Variants in PCDHGA2 observed in about 807,000 individuals in gnomAD.
PCDHGA2 encodes protocadherin gamma subfamily A, 2.
Under a neutral mutation model 59.2 loss-of-function variants are expected in PCDHGA2, and 40 were observed. The observed-to-expected ratio is 0.68, with a 90% CI of 0.52 to 0.88. The LOEUF (loss-of-function observed/expected upper bound fraction) is 0.88. Among genes scored for constraint, PCDHGA2 ranks in the 40% least tolerant of loss-of-function variants. The pLI is 0.00. For synonymous variants in PCDHGA2, 560 were observed against 526.0 expected, an observed-to-expected ratio of 1.06 and a Z score of -0.89; for missense variants, 1,226 against 1,204.0, an observed-to-expected ratio of 1.02 and a Z score of -0.27.
In PCDHGA2 at chr5:141,511,342, C is replaced by G. The variant is rs2099883728; in HGVS notation, c.*169C>G. The stretch of plus-strand genomic sequence containing the variant: ...AACAAGTGCCCAGTCAGCACCTACC[C>G]CTTCCCCCCCAGGGGGTTGAATATG... On this transcript the variant is annotated 3_prime_UTR_variant, in exon 4 of 4. Coordinates refer to ENST00000394576, the MANE Select transcript of PCDHGA2 (RefSeq NM_018915.4). 1 of 1,424,960 alleles carries G rather than the reference C, an allele frequency of 7.0e-7. No homozygotes were observed. Among genetic ancestry groups the G allele is most frequent in the Admixed American group, 2.6e-5 (1 of 38,556 alleles). 88.3% of individuals were successfully genotyped at this position (1,424,960 alleles called of 1,614,324 possible).
At chr5:141,427,615 A>G (rs1428096450) in intron 1 of PCDHGA2, 2 of 693,732 alleles carry the variant, frequency 2.9e-6, no homozygotes, top group Non-Finnish European at 5.3e-6. Context: ...GGTGAAGTCA[A>G]CGACAATGCT....
intron 1 of PCDHGA2, 67 bp downstream of exon 1, chr5:141,341,462 A>G (rs548025293): frequency 1.5e-5 from 24 of 1,601,120 alleles, no homozygotes; most frequent in Non-Finnish European, 1.7e-5. Context: ...CTTGTTTACT[A>G]TATCTATTTT....
At chr5:141,478,306 G>A (rs1316502939) in intron 1 of PCDHGA2, 2 of 1,614,056 alleles carry the variant, frequency 1.2e-6, no homozygotes, top group South Asian at 2.2e-5. Flanking sequence ...ACCGAGCCCC[G>A]GTGAGCTCAC....
In PCDHGA2 at chr5:141,404,391, A is replaced by T. The variant is rs773558298; in HGVS notation, c.2424+62996A>T. On this transcript the variant is annotated intron_variant, in intron 1 of 3. Transcript: ENST00000394576. ...TTCTCCGTGATTGCCTATGACCCTG[A>T]TAGCAATGAGAATTCTAGAGTTATT... 3.7e-6 allele frequency: 6 copies of T among 1,613,806 alleles called. No homozygotes were observed. Among genetic ancestry groups the T allele is most frequent in the Non-Finnish European group, 5.1e-6 (6 of 1,179,894 alleles).
intron 1 of PCDHGA2, chr5:141,398,388 C>G: frequency 6.9e-7 from 1 of 1,454,974 alleles, no homozygotes; most frequent in African/African-American, 1.4e-5. Flanking sequence ...TGCTTGTGAG[C>G]AGCAGGCTAG....
chr5:141,365,302 A>C (rs1763838303), intron 1 of PCDHGA2: 4 of 1,613,872 alleles, frequency 2.5e-6, no homozygotes, highest in Non-Finnish European at 2.5e-6. Context: ...CTCAGGATGG[A>C]GGCGCTCTTG....
chr5:141,461,648 A>G (rs910827619), intron 1 of PCDHGA2, among the ~76,000 whole-genome samples: 2 of 152,070 alleles, frequency 1.3e-5, no homozygotes, highest in South Asian at 2.1e-4. Context: ...TCTTTGACCC[A>G]TGGATTATTT....
intron 1 of PCDHGA2, chr5:141,356,229 C>A (rs371768602): frequency 1.3e-6 from 2 of 1,593,426 alleles, no homozygotes; most frequent in Admixed American, 1.8e-5. Flanking sequence ...AAAATGACAA[C>A]GCACCAGAAG....
chr5:141,346,369 T>A, intron 1 of PCDHGA2: 1 of 1,614,202 alleles, frequency 6.2e-7, no homozygotes, highest in Non-Finnish European at 8.5e-7. Context: ...GCGGACACGC[T>A]CATCAGCCAG....
Position 141,352,128 on chromosome 5 carries a change from G to A in PCDHGA2, c.2424+10733G>A, listed in dbSNP as rs369451031. ...CTGGGGTTGCGCACGGGTGAGGTGCGCACAGCGCGTGCCTTGGGCGACAGG... is the reference window on the plus strand; with the variant it reads ...CTGGGGTTGCGCACGGGTGAGGTGCACACAGCGCGTGCCTTGGGCGACAGG... On this transcript the variant is annotated intron_variant, in intron 1 of 3. Transcript: ENST00000394576. The A allele has an allele frequency of 4.3e-5, 69 of 1,610,058 alleles. No homozygotes were observed. The African/African-American group carries it at 7.9e-4, about 18-fold the overall frequency.
intron 1 of PCDHGA2, chr5:141,361,352 C>G: frequency 6.2e-7 from 1 of 1,613,998 alleles, no homozygotes; most frequent in Non-Finnish European, 8.5e-7. Flanking sequence ...AAACTAGTGA[C>G]AGACGGCGCT....
intron 1 of PCDHGA2, chr5:141,397,964 T>A: frequency 9.4e-7 from 1 of 1,060,074 alleles, no homozygotes; most frequent in Non-Finnish European, 1.3e-6. Context: ...CAGCTCAGAC[T>A]CCCCAGCGCC....
chr5:141,400,734 G>A, intron 1 of PCDHGA2: 1 of 634,548 alleles, frequency 1.6e-6, no homozygotes, highest in Non-Finnish European at 2.7e-6. Flanking sequence ...AAAGTAGTGA[G>A]AGTTTGCTCT....
chr5:141,419,007 GGT>G (rs1181124538), intron 1 of PCDHGA2: 1 of 1,613,978 alleles, frequency 6.2e-7, no homozygotes, highest in South Asian at 1.1e-5. Flanking sequence ...GGGGAAGTCA[GGT>G]GTAGCTTAAG....
Position 141,477,779 on chromosome 5 carries a change from A to G in PCDHGA2, c.2425-17028A>G, listed in dbSNP as rs781567883. ...CCTAGCCACCAACATCAGCGTGAAC[A>G]TATTTGTCACTGATCGCAATGACAA... On this transcript the variant is annotated intron_variant, in intron 1 of 3. Coordinates refer to ENST00000394576, the MANE Select transcript of PCDHGA2 (RefSeq NM_018915.4). This position sits in a 1 kb window ranked among gnomAD's most constrained non-coding sequence, Gnocchi z 4.9. 5.6e-6 allele frequency: 9 copies of G among 1,613,894 alleles called. No homozygotes were observed. Among genetic ancestry groups the G allele is most frequent in the South Asian group, 5.5e-5 (5 of 91,084 alleles).
chr5:141,374,926 TG>T, intron 1 of PCDHGA2: 2 of 1,613,970 alleles, frequency 1.2e-6, no homozygotes, highest in Non-Finnish European at 1.7e-6. Context: ...CTTATTCCTT[TG>T]TGAAGATTAC....
At position 141,409,547 on chromosome 5, in the gene PCDHGA2, G is replaced by T. The variant is rs760802690; in HGVS notation, c.2424+68152G>T. Reference sequence around the variant, plus strand: ...GTATGTCGCTGACATCAACGACAACGCCCCAGTTTTCGACCAGACGTCCTA... The same window carrying T: ...GTATGTCGCTGACATCAACGACAACTCCCCAGTTTTCGACCAGACGTCCTA... On this transcript the variant is annotated intron_variant, in intron 1 of 3. Coordinates refer to ENST00000394576, the MANE Select transcript of PCDHGA2 (RefSeq NM_018915.4). The T allele has an allele frequency of 2.4e-5, 39 of 1,613,818 alleles. No individual in the cohort carries two copies. The highest frequency in any genetic ancestry group is 3.1e-5 in the Non-Finnish European group (36 of 1,179,900).
At chr5:141,357,738 G>A (rs896483270) in intron 1 of PCDHGA2, 2 of 1,293,792 alleles carry the variant, frequency 1.5e-6, no homozygotes, top group South Asian at 1.6e-5. Flanking sequence ...ATATTTTATT[G>A]CTTTAAAGAA....
chr5:141,437,938 A>G (rs1042890704), intron 1 of PCDHGA2, among the ~76,000 whole-genome samples: 4 of 152,132 alleles, frequency 2.6e-5, no homozygotes, highest in African/African-American at 9.7e-5. Flanking sequence ...GGGTTTCACC[A>G]TATTGGCCAG....
Sources: gnomAD v4.1 joint callset for allele counts (sites outside exome capture counted in the v4.1 genomes callset) on GRCh38, gnomAD v4.1.1 for gene constraint, Gnocchi (gnomAD v3.1) non-coding constraint, MANE v1.5 for transcripts, NCBI Gene and HGNC (gene_info 2026-07-23, HGNC 2026-07-21) for gene names.